MUC5B: variants seen among roughly 807,000 people sequenced by gnomAD.
MUC5B encodes the protein mucin 5B, oligomeric mucus/gel-forming, also known as mucin-5B.
In MUC5B, 116 loss-of-function variants were observed where a neutral mutation model predicts 376.9. The observed-to-expected ratio is 0.31, with a 90% confidence interval of 0.26 to 0.36. MUC5B has a LOEUF of 0.36. Among genes scored for constraint, MUC5B ranks in the 10% least tolerant of loss-of-function variants. MUC5B has a pLI of 1.00. For synonymous variants in MUC5B, 3,517 were observed against 3,390.9 expected (o/e 1.04, Z -1.29); for missense variants, 7,165 against 7,769.9 (o/e 0.92, Z 2.93).
intron 37 of MUC5B, 21 bp downstream of exon 37, chr11:1,255,579 G>A (rs2133850637): frequency 1.3e-6 from 2 of 1,489,666 alleles, no homozygotes; most frequent in South Asian, 1.3e-5. Flanking sequence ...GCGGCCCCGG[G>A]CCCCCCAGAC....
Position 1,227,742 on chromosome 11 carries a change from G to A in MUC5B, c.735G>A (p.Pro245=), listed in dbSNP as rs377758054. The part of the protein sequence containing the change: ...QKLDGPTEQC[P]DPLPLPAGNC... Reference sequence around the variant, plus strand: ...TGGATGGGCCCACGGAGCAGTGCCCGGACCCGCTGCCCTTGCCGGCCGGCA... The same window carrying A: ...TGGATGGGCCCACGGAGCAGTGCCCAGACCCGCTGCCCTTGCCGGCCGGCA... The change falls in exon 7 of 49, where the codon CCG becomes CCA. Residue 245 remains proline (P), a synonymous_variant. Transcript: ENST00000529681. 13 of 721,004 alleles carry A rather than the reference G, an allele frequency of 1.8e-5. No homozygotes were observed. Among genetic ancestry groups the A allele is most frequent in the African/African-American group, 1.2e-4 (7 of 57,458 alleles). 44.7% of individuals were successfully genotyped at this position (721,004 alleles called of 1,614,324 possible). A position where few individuals can be genotyped will look rare whatever the true frequency, so the allele number is the denominator to read the frequency against.
intron 6 of MUC5B, 127 bp from the exon 7 acceptor site, chr11:1,227,548 G>A (rs986992018): frequency 4.1e-5 from 28 of 685,666 alleles, no homozygotes; most frequent in South Asian, 3.9e-4. Context: ...TGGGAGGAGT[G>A]CCCCTCGGGG....
chr11:1,249,142 G>T lies in MUC5B; in HGVS notation c.12262G>T (p.Gly4088Cys), dbSNP rs762425720. ...SPPSPGTTTP[G>C]HTTATSRTTA... Reference sequence around the variant, plus strand: ...CCCTTCCCCAGGGACGACCACCCCGGGCCACACCACGGCCACCTCCAGGAC... The same window carrying T: ...CCCTTCCCCAGGGACGACCACCCCGTGCCACACCACGGCCACCTCCAGGAC... The change falls in exon 31 of 49, where the codon GGC (glycine) becomes TGC (cysteine). Residue 4088 changes from glycine (G) to cysteine (C), a missense_variant. Coordinates refer to ENST00000529681, the MANE Select transcript of MUC5B (RefSeq NM_002458.3). 6.2e-7 allele frequency: 1 copy of T among 1,609,208 alleles called. No homozygotes were observed. The highest frequency in any genetic ancestry group is 8.5e-7 in the Non-Finnish European group (1 of 1,179,014).
At position 1,260,333 on chromosome 11, in the gene MUC5B, G is replaced by A. The variant is rs748265237; in HGVS notation, c.16924-18G>A. On this transcript the variant is annotated intron_variant, in intron 46 of 48. Transcript: ENST00000529681. ...GGCCCCGCCCACAGCCCTGCCCCCTGTCTTTGGCCCCCACCAGGGGAGCCT... is the reference window on the plus strand; with the variant it reads ...GGCCCCGCCCACAGCCCTGCCCCCTATCTTTGGCCCCCACCAGGGGAGCCT... 6 of 1,611,998 alleles carry A rather than the reference G, an allele frequency of 3.7e-6. No homozygotes were observed. In the East Asian group the frequency reaches 1.1e-4, roughly 30 times the overall value.
Position 1,260,277 on chromosome 11 carries a change from C to A in MUC5B, c.16924-74C>A, listed in dbSNP as rs570943796. On this transcript the variant is annotated intron_variant, in intron 46 of 48. Coordinates refer to ENST00000529681, the MANE Select transcript of MUC5B (RefSeq NM_002458.3). ...GAGGCCATGCCCCTGCCCGGGTGGG[C>A]CCCTCCCCAGGAGGCCGCACCCACC... The A allele has an allele frequency of 1.1e-5, 17 of 1,499,542 alleles. 1 individual carries two copies. The South Asian group carries it at 1.6e-4, about 14-fold the overall frequency. 92.9% of individuals were successfully genotyped at this position (1,499,542 alleles called of 1,614,324 possible).
rs1001795540 is a variant in MUC5B at position 1,250,452 on chromosome 11, C to T, written c.13572C>T (p.Ala4524=). 1.9e-6 allele frequency: 3 copies of T among 1,594,542 alleles called. No individual in the cohort carries two copies. The highest frequency in any genetic ancestry group is 2.6e-6 in the Non-Finnish European group (3 of 1,163,768). ...CACCCACAGCTACCAGCTTTACAGC[C>T]ATCCCCTCCTCCTCCCTGGGCACCA... ...ATTPTATSFT[A]IPSSSLGTTW... Residue 4524 remains alanine, a synonymous_variant, in exon 31 of 49, where the codon GCC becomes GCT. Transcript: ENST00000529681.
chr11:1,248,782 G>C lies in MUC5B; in HGVS notation c.11902G>C (p.Gly3968Arg), dbSNP rs564550102. ...CACCACCAACCCCTCCTCAACTCCA[G>C]GGACAACACCTATCCCCCCAGTGCT... ...GSTTNPSSTPGTTPIPPVLTT... is the reference protein window; with the variant it reads ...GSTTNPSSTPRTTPIPPVLTT... Residue 3968 changes from glycine to arginine, a missense_variant, in exon 31 of 49, where the codon GGG becomes CGG. Physicochemically the swap from Gly to Arg is moderately radical, Grantham distance 125. Coordinates refer to ENST00000529681, the MANE Select transcript of MUC5B (RefSeq NM_002458.3). The C allele has an allele frequency of 4.4e-4, 680 of 1,548,796 alleles. 3 individuals carry two copies. In the Middle Eastern group the frequency reaches 6.6e-3, roughly 15 times the overall value.
At chr11:1,254,429 AC>A in intron 34 of MUC5B, 78 bp downstream of exon 34, 1 of 1,553,014 alleles carries the variant, frequency 6.4e-7, no homozygotes, top group Admixed American at 1.8e-5. Flanking sequence ...GGCCGGGGTG[AC>A]CCAGGTGCCG....
intron 32 of MUC5B, 44 bp from the exon 33 acceptor site, chr11:1,252,765 C>T: frequency 6.4e-7 from 1 of 1,554,786 alleles, no homozygotes; most frequent in East Asian, 2.4e-5. Flanking sequence ...TGGATGGGTC[C>T]CGTGAGCTGG....
At chr11:1,226,066 G>A (rs1590166983) in intron 2 of MUC5B, 139 bp from the exon 3 acceptor site, 1 of 825,728 alleles carries the variant, frequency 1.2e-6, no homozygotes, top group East Asian at 2.7e-5. Flanking sequence ...CAAGGGTAAA[G>A]GGGCTGCCTT....
At chr11:1,260,417 A>G in intron 47 of MUC5B, 24 bp downstream of exon 47, 3 of 1,612,128 alleles carry the variant, frequency 1.9e-6, no homozygotes, top group Non-Finnish European at 2.5e-6. Context: ...ACCTTCCCAC[A>G]CCAGCCCTCC....
intron 1 of MUC5B, 67 bp downstream of exon 1, chr11:1,223,260 G>A: frequency 1.4e-6 from 1 of 701,550 alleles, no homozygotes; most frequent in South Asian, 1.5e-5. Context: ...CAGGTCGCTT[G>A]CCTGGGAGCT....
At chr11:1,252,663 G>A in intron 32 of MUC5B, 139 bp downstream of exon 32, 3 of 1,380,306 alleles carry the variant, frequency 2.2e-6, no homozygotes, top group Non-Finnish European at 2.9e-6. Context: ...GGCACACAGG[G>A]CCTAGGGGCC....
chr11:1,241,209 G>T lies in MUC5B; in HGVS notation c.4329G>T (p.Gln1443His), dbSNP rs1287832650. The part of the protein sequence containing the change: ...GPSPAPGTSP[Q>H]PSLSASTEPA... ...CCCCGGCCCCAGGCACCAGCCCTCA[G>T]CCCTCCCTCAGTGCCAGCACGGAGC... Residue 1443 changes from glutamine to histidine, a missense_variant, in exon 31 of 49, where the codon CAG (glutamine) becomes CAT (histidine). Around this residue, in one of 31 missense-constraint regions of MUC5B, gnomAD observed 517 missense variants for 545.3 expected, o/e 0.95. Coordinates refer to ENST00000529681, the MANE Select transcript of MUC5B (RefSeq NM_002458.3). 1 of 1,593,536 alleles carries T rather than the reference G, an allele frequency of 6.3e-7. No homozygotes were observed. The highest frequency in any genetic ancestry group is 8.5e-7 in the Non-Finnish European group (1 of 1,170,406).
In MUC5B at chr11:1,226,882, C is replaced by T. The variant is rs1326541601; in HGVS notation, c.461+6C>T. 1.2e-6 allele frequency: 2 copies of T among 1,603,158 alleles called. No homozygotes were observed. The highest frequency in any genetic ancestry group is 2.2e-5 in the South Asian group (2 of 90,860). ...GTCCTCATCAATGGGCAGCGGTGAG[C>T]CGGCCACCCTGGGGAGGGGCGAGGG... On this transcript the variant is annotated splice_donor_region_variant and intron_variant, in intron 4 of 48. Transcript: ENST00000529681.
At position 1,250,372 on chromosome 11, in the gene MUC5B, T is replaced by G. The variant is rs1862640968; in HGVS notation, c.13492T>G (p.Ser4498Ala). The G allele has an allele frequency of 6.2e-7, 1 of 1,612,742 alleles. No homozygotes were observed. The highest frequency in any genetic ancestry group is 8.5e-7 in the Non-Finnish European group (1 of 1,179,526). ...AGTCACCAGCTCCAAAGCCACTCCC[T>G]CCTCCAGTCCAGGGACTGCAACTGC... is the stretch of plus-strand genomic sequence containing the variant. ...PTVTSSKATP[S>A]SSPGTATALP... is the part of the protein sequence containing the mutation. Residue 4498 changes from serine (S) to alanine (A), a missense_variant, in exon 31 of 49, where the codon TCC (serine) becomes GCC (alanine). By Grantham distance (99) the Ser-to-Ala change is moderately conservative. This residue lies in a region of MUC5B where 431 missense variants were observed against 390.4 expected (regional missense o/e 1.10). Transcript: ENST00000529681.
Position 1,242,588 on chromosome 11 carries a change from C to G in MUC5B, c.5708C>G (p.Thr1903Arg). ...STATPSSTPG[T>R]TWILTKPTTT... ...GCCACGCCCTCCTCAACTCCGGGGA[C>G]GACCTGGATCCTCACAAAGCCGACC... Residue 1903 changes from threonine to arginine, a missense_variant, in exon 31 of 49, where the codon ACG (threonine) becomes AGG (arginine). By Grantham distance (71) the Thr-to-Arg change is moderately conservative (BLOSUM62 -1). This residue lies in a region of MUC5B where 897 missense variants were observed against 779.6 expected (regional missense o/e 1.15). Transcript: ENST00000529681. The G allele has an allele frequency of 1.2e-6, 2 of 1,613,814 alleles. No homozygotes were observed. Among genetic ancestry groups the G allele is most frequent in the East Asian group, 2.2e-5 (1 of 44,876 alleles).
At chr11:1,259,411 T>A in intron 44 of MUC5B, 1 of 481,438 alleles carries the variant, frequency 2.1e-6, no homozygotes, top group South Asian at 2.4e-5. Flanking sequence ...CTCCCTGGGG[T>A]TCTCTAGCTC....
rs774549278 is a variant in MUC5B, at chr11:1,259,747, TC to T, written c.16714-5del. ...GGGTTAGGGCCTGACGCCCCTCATGTCCCCACAGGGCTTTGAGTACAAGAGA... is the reference window on the plus strand; with the variant it reads ...GGGTTAGGGCCTGACGCCCCTCATGTCCCACAGGGCTTTGAGTACAAGAGA... On this transcript the variant is annotated splice_region_variant and splice_polypyrimidine_tract_variant and intron_variant, in intron 44 of 48. Transcript: ENST00000529681. 6.2e-7 allele frequency: 1 copy of T among 1,612,046 alleles called. No homozygotes were observed. The highest frequency in any genetic ancestry group is 8.5e-7 in the Non-Finnish European group (1 of 1,179,494).
Sources: gnomAD v4.1 joint callset for allele counts on GRCh38, gnomAD v4.1.1 for gene constraint, gnomAD v4.1.1 regional missense constraint, MANE v1.5 for transcripts, NCBI Gene and HGNC (gene_info 2026-07-23, HGNC 2026-07-21) for gene names.